KIF9: variants seen among roughly 807,000 people sequenced by gnomAD.
KIF9 encodes kinesin-like protein KIF9.
KIF9 carries 68 observed loss-of-function variants against 94.8 expected under a neutral mutation model. The ratio of observed to expected loss-of-function variants is 0.72; its 90% confidence interval spans 0.59 to 0.88. KIF9 has a LOEUF of 0.88. Among genes scored for constraint, KIF9 ranks in the 40% least tolerant of loss-of-function variants. KIF9 has a pLI of 0.00. For synonymous variants in KIF9, 343 were observed against 362.1 expected, an observed-to-expected ratio of 0.95 and a Z score of 0.60; for missense variants, 882 against 982.5, an observed-to-expected ratio of 0.90 and a Z score of 1.37.
intron 10 of KIF9, 78 bp from the exon 11 acceptor site, chr3:47,248,164 G>A (rs2107253731): frequency 1.9e-6 from 2 of 1,045,680 alleles, no homozygotes; most frequent in South Asian, 2.7e-5. Flanking sequence ...CACAGCAAAA[G>A]TACAATTCCT....
rs777352686 is a variant in KIF9 at position 47,265,735 on chromosome 3, G to A, written c.911C>T (p.Ser304Leu). 1.7e-5 allele frequency: 27 copies of A among 1,613,888 alleles called. 1 individual carries two copies. The Admixed American group carries it at 3.5e-4, about 21-fold the overall frequency. Residue 304 changes from serine (S) to leucine (L), a missense_variant, in exon 8 of 21, where the codon TCG becomes TTG. Ser to Leu is a moderately radical substitution (Grantham distance 145). Transcript: ENST00000684063. Reference sequence around the variant, plus strand: ...CAGCAACTGTACCCCCTCACCTAACGAGTCCTTCAGAGCGTGGGTGAGCTT... The same window carrying A: ...CAGCAACTGTACCCCCTCACCTAACAAGTCCTTCAGAGCGTGGGTGAGCTT... Reference protein sequence around the residue: ...QCKLTHALKDSLGGNCNMVLV... With the variant: ...QCKLTHALKDLLGGNCNMVLV...
At chr3:47,269,207 C>G (rs1055160800) in intron 5 of KIF9, among the ~76,000 whole-genome samples, 7 of 152,246 alleles carry the variant, frequency 4.6e-5, no homozygotes, top group African/African-American at 1.7e-4. Flanking sequence ...CTGGGCAACA[C>G]AGCGAGAACT....
rs897520036 is a variant in KIF9, at chr3:47,282,121, T to C, written c.-6+374A>G. On this transcript the variant is annotated intron_variant, in intron 1 of 20. Transcript: ENST00000684063. The stretch of plus-strand genomic sequence containing the variant: ...GGCTTTGGACCCATTCCGGTCCCTC[T>C]CTGGAGAGGTTTCCTCACCTGTAAC... 3 of 909,186 alleles carry C rather than the reference T, an allele frequency of 3.3e-6. No individual in the cohort carries two copies. The African/African-American group carries it at 5.4e-5, about 16-fold the overall frequency. The allele number at this position is 909,186 out of a possible 1,614,324, so 56.3% of individuals were successfully genotyped here. A position where few individuals can be genotyped will look rare whatever the true frequency, so the allele number is the denominator to read the frequency against.
intron 7 of KIF9, 37 bp from the exon 8 acceptor site, chr3:47,265,914 A>G: frequency 6.2e-7 from 1 of 1,611,182 alleles, no homozygotes; most frequent in Non-Finnish European, 8.5e-7. Flanking sequence ...TGGATGGAAT[A>G]AAGCAGCTGC....
At position 47,228,563 on chromosome 3, in the gene KIF9, G is replaced by A; in HGVS notation, c.*89C>T. 9.4e-7 allele frequency: 1 copy of A among 1,058,748 alleles called. No homozygotes were observed. The highest frequency in any genetic ancestry group is 1.6e-5 in the African/African-American group (1 of 64,198). The allele number at this position is 1,058,748 out of a possible 1,614,324, so 65.6% of individuals were successfully genotyped here. On this transcript the variant is annotated 3_prime_UTR_variant, in exon 21 of 21. Coordinates refer to ENST00000684063, the MANE Select transcript of KIF9 (RefSeq NM_182902.4). ...TGGGTCCCAGCATTGGAGTAGAGGG[G>A]GCTGCAGCTCTGGGCAGGTGGTTGA...
chr3:47,246,673 C>T (rs1156581455), intron 12 of KIF9: 4 of 152,352 alleles, frequency 2.6e-5, no homozygotes, highest in Admixed American at 1.3e-4. Flanking sequence ...GACACACACA[C>T]GAGGCTGGAG....
At chr3:47,274,361 C>G (rs1244612429) in intron 3 of KIF9, among the ~76,000 whole-genome samples, 1 of 152,234 alleles carries the variant, frequency 6.6e-6, no homozygotes. Context: ...ACCCTGAGCT[C>G]CGGCTCCTAT....
chr3:47,235,198 C>T (rs145229768), intron 20 of KIF9, among the ~76,000 whole-genome samples: 1 of 152,340 alleles, frequency 6.6e-6, no homozygotes, highest in African/African-American at 2.4e-5. Context: ...GCCACCTGTG[C>T]AGAGTGGACC....
At chr3:47,276,555 CAAA>C (rs752825599) in intron 2 of KIF9, among the ~76,000 whole-genome samples, 3 of 58,686 alleles carry the variant, frequency 5.1e-5, no homozygotes, top group Admixed American at 2.0e-4. Flanking sequence ...GACTCTGTCT[CAAA>C]AAAAAAAAAA....
chr3:47,274,798 T>A (rs917119550), intron 3 of KIF9, among the ~76,000 whole-genome samples: 4 of 151,638 alleles, frequency 2.6e-5, no homozygotes, highest in African/African-American at 7.3e-5. Context: ...TCAGGATAAA[T>A]TACAGCATCT....
chr3:47,255,820 G>C (rs1343145389), intron 10 of KIF9, among the ~76,000 whole-genome samples: 1 of 152,108 alleles, frequency 6.6e-6, no homozygotes, highest in Non-Finnish European at 1.5e-5. Context: ...GCCGAAGCTG[G>C]ACTGTACTGC....
At chr3:47,240,771 G>T (rs746561133) in intron 17 of KIF9, 30 bp downstream of exon 17, 2 of 1,587,268 alleles carry the variant, frequency 1.3e-6, no homozygotes, top group South Asian at 1.1e-5. Context: ...AGACCCCAAA[G>T]CTCCCTAGCC....
chr3:47,277,413 T>C (rs774915036), intron 1 of KIF9, 34 bp from the exon 2 acceptor site: 2 of 1,426,192 alleles, frequency 1.4e-6, no homozygotes, highest in Non-Finnish European at 2.0e-6. Context: ...TTTTGAGTAG[T>C]CATTATCAAA....
At position 47,249,729 on chromosome 3, in the gene KIF9, G is replaced by C. The variant is rs191044042; in HGVS notation, c.1060-1643C>G. 6.0e-4 allele frequency among the ~76,000 whole-genome samples: 92 copies of C among 152,222 alleles called. No individual in the cohort carries two copies. In the Middle Eastern group the frequency reaches 0.014, roughly 23 times the overall value. On this transcript the variant is annotated intron_variant, in intron 10 of 20. Transcript: ENST00000684063. ...ACCTCCTGATAATCTTTGTTCAAAA[G>C]CTTCTAAATTAGGTGCACCACAATT...
rs761177157 is a variant in KIF9, at chr3:47,266,976, C to T, written c.768G>A (p.Gly256=). Residue 256 remains glycine (G), a splice_region_variant and synonymous_variant, in exon 7 of 21, where the codon GGG becomes GGA. Coordinates refer to ENST00000684063, the MANE Select transcript of KIF9 (RefSeq NM_182902.4). ...GCAACCTCCAGCCCCCATCACTTAC[C>T]CCAGACTTCCCCAGCCTCTCTGAGC... ...LAGSERLGKS[G]SEGQVLKEAT... The T allele has an allele frequency of 2.0e-5, 32 of 1,612,388 alleles. No homozygotes were observed. The Admixed American group carries it at 5.2e-4, about 26-fold the overall frequency.
chr3:47,259,530 T>C (rs1576027752), intron 9 of KIF9, among the ~76,000 whole-genome samples: 1 of 152,078 alleles, frequency 6.6e-6, no homozygotes, highest in Admixed American at 6.6e-5. Flanking sequence ...AATGGGTAGG[T>C]AAGTGTGGGG....
At chr3:47,234,711 C>G (rs557574261) in intron 20 of KIF9, among the ~76,000 whole-genome samples, 16 of 150,548 alleles carry the variant, frequency 1.1e-4, no homozygotes, top group African/African-American at 4.0e-4. Context: ...TGTGCCACCA[C>G]GCCTGGCTAA....
intron 14 of KIF9, 99 bp from the exon 15 acceptor site, chr3:47,245,023 T>C (rs1699832036): frequency 1.3e-6 from 2 of 1,491,428 alleles, no homozygotes; most frequent in Admixed American, 2.0e-5. Flanking sequence ...GGTGGACATG[T>C]TCACCATACA....
Position 47,265,796 on chromosome 3 carries a change from C to T in KIF9, c.850G>A (p.Asp284Asn), listed in dbSNP as rs1401438290. 6.2e-7 allele frequency: 1 copy of T among 1,614,044 alleles called. No homozygotes were observed. Among genetic ancestry groups the T allele is most frequent in the Non-Finnish European group, 8.5e-7 (1 of 1,180,026 alleles). The change falls in exon 8 of 21, where the codon GAC becomes AAC. Residue 284 changes from aspartate (D) to asparagine (N), a missense_variant. Asp to Asn is a conservative substitution (Grantham distance 23). Coordinates refer to ENST00000684063, the MANE Select transcript of KIF9 (RefSeq NM_182902.4). Reference sequence around the variant, plus strand: ...AAGGGGATGTGGTCCCGCTTCTGGTCCCCAAGGGCAATGATGGCCTGCTCC... The same window carrying T: ...AAGGGGATGTGGTCCCGCTTCTGGTTCCCAAGGGCAATGATGGCCTGCTCC... ...FLEQAIIALG[D>N]QKRDHIPFRQ... is the part of the protein sequence containing the mutation.
Sources: gnomAD v4.1 joint callset for allele counts (sites outside exome capture counted in the v4.1 genomes callset) on GRCh38, gnomAD v4.1.1 for gene constraint, MANE v1.5 for transcripts, NCBI Gene and HGNC (gene_info 2026-07-23, HGNC 2026-07-21) for gene names.